Variants in TMEM132E observed in about 807,000 individuals in gnomAD.
TMEM132E encodes the protein transmembrane protein 132E.
A neutral mutation model predicts 78.5 loss-of-function variants in TMEM132E; 49 were observed. The ratio of observed to expected loss-of-function variants is 0.62; its 90% CI spans 0.50 to 0.79. The LOEUF (loss-of-function observed/expected upper bound fraction) is 0.79, where lower values mean the gene tolerates loss of function less well. Ranked by LOEUF, TMEM132E falls within the 30% of genes least tolerant of loss-of-function variation. The pLI is 0.00. For synonymous variants in TMEM132E, 715 were observed against 670.6 expected (o/e 1.07, Z -1.02); for missense variants, 1,403 against 1,470.9 (o/e 0.95, Z 0.75).
At chr17:34,633,015 T>A in intron 6 of TMEM132E, 106 bp downstream of exon 6, 1 of 1,279,998 alleles carries the variant, frequency 7.8e-7, no homozygotes, top group South Asian at 1.3e-5. Context: ...GTATACATAG[T>A]CTGTAGGTTG....
Position 34,637,839 on chromosome 17 carries a change from G to A in TMEM132E, c.2832G>A (p.Leu944=). 1.2e-6 allele frequency: 2 copies of A among 1,610,690 alleles called. No individual in the cohort carries two copies. Among genetic ancestry groups the A allele is most frequent in the South Asian group, 1.1e-5 (1 of 91,018 alleles). Residue 944 remains leucine (L), a synonymous_variant, in exon 9 of 9, where the codon CTG becomes CTA. Transcript: ENST00000631683. The stretch of plus-strand genomic sequence containing the variant: ...TGTTCCTGGGCAACGGGCAGCCGCT[G>A]CGGGTGCAAGGAGAGCTGTCGCCGC... ...HWVFLGNGQP[L]RVQGELSPPA...
Position 34,632,688 on chromosome 17 carries a change from TC to T in TMEM132E, c.1483-14del, listed in dbSNP as rs1209605316. 1.2e-6 allele frequency: 2 copies of T among 1,613,936 alleles called. No homozygotes were observed. Among genetic ancestry groups the T allele is most frequent in the South Asian group, 2.2e-5 (2 of 91,062 alleles). ...CCTGTAGGGAAGATGTGCCAACTGT[TC>T]CTCCCTTCCCCCAGGTATCCAGCAG... On this transcript the variant is annotated splice_polypyrimidine_tract_variant and intron_variant, in intron 5 of 8. Coordinates refer to ENST00000631683, the MANE Select transcript of TMEM132E (RefSeq NM_001304438.2).
chr17:34,628,769 G>C (rs1375975311), intron 3 of TMEM132E, 60 bp downstream of exon 3: 4 of 1,496,654 alleles, frequency 2.7e-6, no homozygotes. Flanking sequence ...GAGAGGAGTG[G>C]GGAATCTTTG....
At chr17:34,583,294 T>C (rs1905557906) in intron 1 of TMEM132E, among the ~76,000 whole-genome samples, 1 of 152,252 alleles carries the variant, frequency 6.6e-6, no homozygotes, top group Non-Finnish European at 1.5e-5. Context: ...CTCCTGACTA[T>C]CTGGCTTCCT....
chr17:34,607,426 A>G (rs1906452387), intron 1 of TMEM132E, among the ~76,000 whole-genome samples: 2 of 152,178 alleles, frequency 1.3e-5, no homozygotes, highest in Non-Finnish European at 2.9e-5. Context: ...TTCCCAAAGG[A>G]AAATCCTGCT....
intron 1 of TMEM132E, among the ~76,000 whole-genome samples, chr17:34,615,962 A>G (rs1480211256): frequency 6.6e-6 from 1 of 152,182 alleles, no homozygotes; most frequent in Non-Finnish European, 1.5e-5. Context: ...CAAGTCAGTG[A>G]AAAAGGGGCT....
intron 1 of TMEM132E, among the ~76,000 whole-genome samples, chr17:34,596,558 T>A (rs1906066472): frequency 6.6e-6 from 1 of 152,190 alleles, no homozygotes; most frequent in South Asian, 2.1e-4. Flanking sequence ...AAAGGGAAAC[T>A]GAGGCAGGGA....
rs780627824 is a variant in TMEM132E, at chr17:34,632,787, C to T, written c.1566C>T (p.Asp522=). The T allele has an allele frequency of 6.2e-6, 10 of 1,614,102 alleles. No individual in the cohort carries two copies. The highest frequency in any genetic ancestry group is 1.6e-4 in the Middle Eastern group (1 of 6,084). ...ACGCCAGGGTCACCTTCCGCTACGACGTCCTCAATGCTCCCCTGGAAATGA... is the reference window on the plus strand; with the variant it reads ...ACGCCAGGGTCACCTTCCGCTACGATGTCCTCAATGCTCCCCTGGAAATGA... ...SMNARVTFRY[D]VLNAPLEMTV... The change falls in exon 6 of 9, where the codon GAC becomes GAT. Residue 522 remains aspartate (D), a synonymous_variant. Coordinates refer to ENST00000631683, the MANE Select transcript of TMEM132E (RefSeq NM_001304438.2).
chr17:34,593,352 C>T (rs55827554), intron 1 of TMEM132E, among the ~76,000 whole-genome samples: 28,474 of 152,172 alleles, frequency 0.19, 3,095 homozygotes, highest in South Asian at 0.32. Flanking sequence ...TCTTCAAAAT[C>T]CCCTGTGCGT....
At chr17:34,609,966 G>A (rs4795951) in intron 1 of TMEM132E, among the ~76,000 whole-genome samples, 84,659 of 151,906 alleles carry the variant, frequency 0.56, 24,884 homozygotes, top group Admixed American at 0.71. Flanking sequence ...TTTAATCCCT[G>A]GACCCCACTT....
At chr17:34,618,524 G>A (rs145539898) in intron 1 of TMEM132E, among the ~76,000 whole-genome samples, 16 of 151,968 alleles carry the variant, frequency 1.1e-4, no homozygotes, top group African/African-American at 3.9e-4. Context: ...AAGCCACCAT[G>A]CCCGGCCAAC....
intron 1 of TMEM132E, among the ~76,000 whole-genome samples, chr17:34,601,269 G>A (rs577280792): frequency 6.6e-6 from 1 of 152,336 alleles, no homozygotes; most frequent in African/African-American, 2.4e-5. Flanking sequence ...GGAAAGCCCA[G>A]GAGGCAGACC....
Position 34,634,855 on chromosome 17 carries a change from C to A in TMEM132E, c.1745C>A (p.Ala582Glu). The A allele has an allele frequency of 1.2e-6, 2 of 1,614,040 alleles. No homozygotes were observed. Among genetic ancestry groups the A allele is most frequent in the Non-Finnish European group, 8.5e-7 (1 of 1,180,026 alleles). The change falls in exon 7 of 9, where the codon GCA becomes GAA. Residue 582 changes from alanine to glutamate, a missense_variant. Physicochemically the swap from Ala to Glu is moderately radical, Grantham distance 107. This residue lies in a region of TMEM132E where 888 missense variants were observed against 952.8 expected (regional missense o/e 0.93). Coordinates refer to ENST00000631683, the MANE Select transcript of TMEM132E (RefSeq NM_001304438.2). ...DEEEEERRQS[A>E]SRGCTLQYQH... is the part of the protein sequence containing the mutation. ...GAGGAGGAGGAGCGGCGGCAGAGTG[C>A]AAGCCGTGGCTGCACCCTGCAGTAC... is the stretch of plus-strand genomic sequence containing the variant.
intron 1 of TMEM132E, among the ~76,000 whole-genome samples, chr17:34,591,104 G>A (rs1014698174): frequency 1.3e-5 from 2 of 152,134 alleles, no homozygotes; most frequent in Non-Finnish European, 2.9e-5. Context: ...TGAAGGTGAG[G>A]AGCCCACAGC....
At chr17:34,594,540 G>A (rs138928156) in intron 1 of TMEM132E, among the ~76,000 whole-genome samples, 8 of 152,330 alleles carry the variant, frequency 5.3e-5, no homozygotes, top group Non-Finnish European at 8.8e-5. Context: ...AGTGCTTGGA[G>A]CAGCGCCTGG....
chr17:34,603,293 G>A (rs4795012), intron 1 of TMEM132E, among the ~76,000 whole-genome samples: 84,681 of 151,796 alleles, frequency 0.56, 24,911 homozygotes, highest in Admixed American at 0.71. Context: ...GCAGGAGCCT[G>A]GAGGGTAACA....
intron 1 of TMEM132E, among the ~76,000 whole-genome samples, chr17:34,621,536 C>T (rs1326184617): frequency 6.6e-6 from 1 of 152,114 alleles, no homozygotes; most frequent in East Asian, 1.9e-4. Context: ...ACAGTTCAGC[C>T]CATAACACCC....
intron 1 of TMEM132E, among the ~76,000 whole-genome samples, chr17:34,604,080 A>G (rs1906329805): frequency 6.6e-6 from 1 of 152,152 alleles, no homozygotes; most frequent in South Asian, 2.1e-4. Flanking sequence ...AGTGCTGGGC[A>G]TTGTTCTAAG....
At chr17:34,618,426 C>A (rs938389951) in intron 1 of TMEM132E, among the ~76,000 whole-genome samples, 1 of 146,292 alleles carries the variant, frequency 6.8e-6, no homozygotes, top group Non-Finnish European at 1.5e-5. Context: ...GAGATGGGAT[C>A]TCGCTTTGTT....
Sources: gnomAD v4.1 joint callset for allele counts (sites outside exome capture counted in the v4.1 genomes callset) on GRCh38, gnomAD v4.1.1 for gene constraint, gnomAD v4.1.1 regional missense constraint, MANE v1.5 for transcripts, NCBI Gene and HGNC (gene_info 2026-07-23, HGNC 2026-07-21) for gene names.